Variants in LAMP5 observed in about 807,000 individuals in gnomAD.
LAMP5 encodes the protein lysosome-associated membrane glycoprotein 5.
LAMP5 carries 36 observed loss-of-function variants against 30.2 expected under a neutral mutation model. That is an observed-to-expected ratio of 1.19 (90% CI 0.91 to 1.57). The LOEUF (loss-of-function observed/expected upper bound fraction) is 1.57. Among genes scored for constraint, LAMP5 ranks in the 40% most tolerant of loss-of-function variants. LAMP5 has a pLI of 0.00. For missense variants in LAMP5, 377 were observed against 354.9 expected, an observed-to-expected ratio of 1.06 and a Z score of -0.50; for synonymous variants, 149 against 134.6, an observed-to-expected ratio of 1.11 and a Z score of -0.74.
At chr20:9,525,616 A>G (rs943647352) in intron 5 of LAMP5, among the ~76,000 whole-genome samples, 3 of 152,216 alleles carry the variant, frequency 2.0e-5, no homozygotes, top group African/African-American at 7.2e-5. Flanking sequence ...TTCTACAGCT[A>G]TATCTAACTA....
intron 4 of LAMP5, 117 bp downstream of exon 4, chr20:9,516,478 C>T (rs566300816): frequency 1.2e-6 from 1 of 834,090 alleles, no homozygotes; most frequent in Non-Finnish European, 2.0e-6. Context: ...CAGGCCAAGT[C>T]TTCCCTCGGC....
At chr20:9,519,551 A>G (rs1340056333) in intron 5 of LAMP5, among the ~76,000 whole-genome samples, 1 of 152,238 alleles carries the variant, frequency 6.6e-6, no homozygotes, top group Non-Finnish European at 1.5e-5. Context: ...TCGAGACCTT[A>G]ACAGTTTTTA....
At chr20:9,526,929 A>C (rs1392022440) in intron 5 of LAMP5, among the ~76,000 whole-genome samples, 2 of 144,658 alleles carry the variant, frequency 1.4e-5, no homozygotes, top group South Asian at 4.4e-4. Flanking sequence ...AGTTGTATTT[A>C]GGTACAATTG....
At chr20:9,519,098 G>T (rs1055348132) in intron 5 of LAMP5, among the ~76,000 whole-genome samples, 3 of 152,110 alleles carry the variant, frequency 2.0e-5, no homozygotes, top group African/African-American at 7.2e-5. Context: ...TCTGCAATTT[G>T]TTCAAGTCAA....
rs1042394641 is a variant in LAMP5 at position 9,529,176 on chromosome 20, G to A, written c.665-466G>A. Among the ~76,000 whole-genome samples, 7 of 152,154 alleles carry A rather than the reference G, an allele frequency of 4.6e-5. No individual in the cohort carries two copies. In the South Asian group the frequency reaches 1.5e-3, roughly 32 times the overall value. ...AATTATCGAACAGTTTTGCAGAGTG[G>A]TCATAACATTTTTCAACAAGGGTGT... On this transcript the variant is annotated intron_variant, in intron 5 of 5. Coordinates refer to ENST00000246070, the MANE Select transcript of LAMP5 (RefSeq NM_012261.4).
At chr20:9,524,099 A>G (rs2045096095) in intron 5 of LAMP5, among the ~76,000 whole-genome samples, 1 of 152,310 alleles carries the variant, frequency 6.6e-6, no homozygotes, top group South Asian at 2.1e-4. Context: ...GCAAAGTAAC[A>G]TTTATGCTTC....
chr20:9,520,048 G>A (rs895217020), intron 5 of LAMP5, among the ~76,000 whole-genome samples: 1 of 152,198 alleles, frequency 6.6e-6, no homozygotes, highest in African/African-American at 2.4e-5. Context: ...GGTGTCTTTT[G>A]TTTTAAAACC....
At position 9,516,024 on chromosome 20, in the gene LAMP5, G is replaced by A. The variant is rs141039910; in HGVS notation, c.262G>A (p.Ala88Thr). The change falls in exon 3 of 6, where the codon GCA becomes ACA. Residue 88 changes from alanine to threonine, a missense_variant. Coordinates refer to ENST00000246070, the MANE Select transcript of LAMP5 (RefSeq NM_012261.4). Reference protein sequence around the residue: ...VDLITEQADIALTRGAEVKGR... With the variant: ...VDLITEQADITLTRGAEVKGR... Reference sequence around the variant, plus strand: ...GCTGATCACAGAACAGGCCGATATCGCATTGACCCGGGGAGCTGAGGTGAA... The same window carrying A: ...GCTGATCACAGAACAGGCCGATATCACATTGACCCGGGGAGCTGAGGTGAA... 349 of 1,528,878 alleles carry A rather than the reference G, an allele frequency of 2.3e-4. 4 individuals carry two copies. In the African/African-American group the frequency reaches 4.4e-3, roughly 19 times the overall value. 94.7% of individuals were successfully genotyped at this position (1,528,878 alleles called of 1,614,324 possible).
intron 5 of LAMP5, among the ~76,000 whole-genome samples, chr20:9,522,904 G>A (rs1441423603): frequency 6.7e-6 from 1 of 149,592 alleles, no homozygotes; most frequent in East Asian, 2.0e-4. Context: ...TGCATGTCAT[G>A]TTCCTGGCAT....
rs779735366 is a variant in LAMP5, at chr20:9,529,860, C to G, written c.*40C>G. On this transcript the variant is annotated 3_prime_UTR_variant, in exon 6 of 6. Coordinates refer to ENST00000246070, the MANE Select transcript of LAMP5 (RefSeq NM_012261.4). ...GCACCCCCTATTCCTGCTCCCCCAACTGGATCAGGTAGAACAACAAAAGCA... is the reference window on the plus strand; with the variant it reads ...GCACCCCCTATTCCTGCTCCCCCAAGTGGATCAGGTAGAACAACAAAAGCA... The G allele has an allele frequency of 8.8e-6, 14 of 1,594,914 alleles. No homozygotes were observed. In the South Asian group the frequency reaches 1.3e-4, roughly 15 times the overall value.
intron 5 of LAMP5, among the ~76,000 whole-genome samples, chr20:9,524,840 A>T (rs73899122): frequency 0.059 from 8,955 of 152,238 alleles, 878 homozygotes; most frequent in African/African-American, 0.2. Context: ...CACATTAGAC[A>T]AAGTCAGGTT....
rs551662654 is a variant in LAMP5 at position 9,518,073 on chromosome 20, C to T, written c.509C>T (p.Ser170Phe). 1.2e-6 allele frequency: 2 copies of T among 1,614,126 alleles called. No individual in the cohort carries two copies. Among genetic ancestry groups the T allele is most frequent in the South Asian group, 2.2e-5 (2 of 91,078 alleles). Reference sequence around the variant, plus strand: ...CACACAGCCAACTCGCACCACCTCTCTGCCTTGGTCACCCCCGCTGGGAAG... The same window carrying T: ...CACACAGCCAACTCGCACCACCTCTTTGCCTTGGTCACCCCCGCTGGGAAG... ...GKHTANSHHL[S>F]ALVTPAGKSY... The change falls in exon 5 of 6, where the codon TCT becomes TTT. Residue 170 changes from serine (S) to phenylalanine (F), a missense_variant. Ser to Phe is a radical substitution (Grantham distance 155). Coordinates refer to ENST00000246070, the MANE Select transcript of LAMP5 (RefSeq NM_012261.4).
rs757448431 is a variant in LAMP5, at chr20:9,518,158, G to T, written c.594G>T (p.Thr198=). The part of the protein sequence containing the change: ...ISLASSDPQK[T]VTMILSAVHI... ...TGGCCTCTAGTGATCCGCAGAAGAC[G>T]GTCACCATGATCCTGTCTGCGGTCC... is the stretch of plus-strand genomic sequence containing the variant. The change falls in exon 5 of 6, where the codon ACG becomes ACT. Residue 198 remains threonine, a synonymous_variant. Transcript: ENST00000246070. 1 of 1,614,126 alleles carries T rather than the reference G, an allele frequency of 6.2e-7. No homozygotes were observed. The highest frequency in any genetic ancestry group is 1.1e-5 in the South Asian group (1 of 91,078).
At chr20:9,518,281 T>A in intron 5 of LAMP5, 53 bp downstream of exon 5, 2 of 1,545,494 alleles carry the variant, frequency 1.3e-6, no homozygotes, top group Non-Finnish European at 1.8e-6. Context: ...TCAGGAAGGA[T>A]GAGAGAGGGA....
At position 9,516,081 on chromosome 20, in the gene LAMP5, C is replaced by A. The variant is rs769524620; in HGVS notation, c.319C>A (p.Gln107Lys). The A allele has an allele frequency of 6.5e-7, 1 of 1,549,220 alleles. No homozygotes were observed. Among genetic ancestry groups the A allele is most frequent in the East Asian group, 2.2e-5 (1 of 44,494 alleles). ...CTGTGGCCACAGCCAGTCGGAGCTGCAAGTGTTCTGGGTGGATCGCGCATA... is the reference window on the plus strand; with the variant it reads ...CTGTGGCCACAGCCAGTCGGAGCTGAAAGTGTTCTGGGTGGATCGCGCATA... ...GRCGHSQSEL[Q>K]VFWVDRAYAL... The change falls in exon 3 of 6, where the codon CAA (glutamine) becomes AAA (lysine). Residue 107 changes from glutamine (Q) to lysine (K), a missense_variant. By Grantham distance (53) the Gln-to-Lys change is moderately conservative. Transcript: ENST00000246070.
chr20:9,520,376 G>C (rs1320718578), intron 5 of LAMP5, among the ~76,000 whole-genome samples: 1 of 152,094 alleles, frequency 6.6e-6, no homozygotes, highest in Non-Finnish European at 1.5e-5. Flanking sequence ...ACTTTGTTTT[G>C]TAAGAGATCA....
At chr20:9,521,049 A>C (rs1276140515) in intron 5 of LAMP5, among the ~76,000 whole-genome samples, 1 of 152,072 alleles carries the variant, frequency 6.6e-6, no homozygotes, top group Non-Finnish European at 1.5e-5. Context: ...CACTATAGAG[A>C]GTTTGAAGGA....
At chr20:9,524,608 AAAAAAAAAC>A (rs977887808) in intron 5 of LAMP5, among the ~76,000 whole-genome samples, 2 of 150,094 alleles carry the variant, frequency 1.3e-5, no homozygotes, top group African/African-American at 4.9e-5. Context: ...AAAAAAAAAA[AAAAAAAAAC>A]AAACAAAAAA....
In LAMP5 at chr20:9,518,244, A is replaced by T; in HGVS notation, c.664+16A>T. ...TTCAGTGAAGGTAAGTTGTTGGGGG[A>T]TGGAGGGGAAGAAGACCTAGTTTAT... On this transcript the variant is annotated intron_variant, in intron 5 of 5. Coordinates refer to ENST00000246070, the MANE Select transcript of LAMP5 (RefSeq NM_012261.4). 6.2e-7 allele frequency: 1 copy of T among 1,611,002 alleles called. No individual in the cohort carries two copies. Among genetic ancestry groups the T allele is most frequent in the Non-Finnish European group, 8.5e-7 (1 of 1,177,404 alleles).
Sources: gnomAD v4.1 joint callset for allele counts (sites outside exome capture counted in the v4.1 genomes callset) on GRCh38, gnomAD v4.1.1 for gene constraint, MANE v1.5 for transcripts, NCBI Gene and HGNC (gene_info 2026-07-23, HGNC 2026-07-21) for gene names.